ADAM22: variants seen among roughly 807,000 people sequenced by gnomAD.
ADAM22 encodes ADAM metallopeptidase domain 22.
In ADAM22, 65 loss-of-function variants were observed where a neutral mutation model predicts 144.6. The observed-to-expected ratio is 0.45, with a 90% CI of 0.37 to 0.55. The LOEUF (loss-of-function observed/expected upper bound fraction) is 0.55, where lower values mean the gene tolerates loss of function less well. Ranked by LOEUF, ADAM22 falls within the 20% of genes least tolerant of loss-of-function variation. ADAM22 has a pLI of 0.00. For missense variants in ADAM22, 974 were observed against 1,184.9 expected (o/e 0.82, Z 2.61); for synonymous variants, 391 against 412.6 (o/e 0.95, Z 0.63).
chr7:88,034,702 A>G (rs775461115), intron 3 of ADAM22, among the ~76,000 whole-genome samples: 2 of 152,068 alleles, frequency 1.3e-5, no homozygotes, highest in Non-Finnish European at 2.9e-5. Context: ...TGCCAAACTC[A>G]AGTTCTGACC....
At chr7:87,949,505 C>G (rs1844509414) in intron 2 of ADAM22, among the ~76,000 whole-genome samples, 1 of 152,150 alleles carries the variant, frequency 6.6e-6, no homozygotes, top group South Asian at 2.1e-4. Flanking sequence ...CTTTATTCAC[C>G]AGACTTTGTC....
chr7:88,194,373 G>T (rs1270493307), intron 31 of ADAM22, among the ~76,000 whole-genome samples: 2 of 152,180 alleles, frequency 1.3e-5, no homozygotes, highest in Non-Finnish European at 2.9e-5. Flanking sequence ...GGCTCTGGCT[G>T]CTGGGATTGT....
intron 2 of ADAM22, 117 bp downstream of exon 2, chr7:87,935,303 C>G (rs939676627): frequency 9.2e-6 from 11 of 1,192,174 alleles, no homozygotes; most frequent in Middle Eastern, 2.9e-4. Flanking sequence ...GAGTTGGGTC[C>G]CGATGCGAGT....
intron 4 of ADAM22, among the ~76,000 whole-genome samples, chr7:88,105,240 T>A (rs1824045332): frequency 6.6e-6 from 1 of 152,192 alleles, no homozygotes; most frequent in South Asian, 2.1e-4. Flanking sequence ...TTTATTTATC[T>A]TTGTTTCTAC....
intron 29 of ADAM22, among the ~76,000 whole-genome samples, chr7:88,182,639 T>C (rs569445276): frequency 1.3e-5 from 2 of 152,336 alleles, no homozygotes; most frequent in Non-Finnish European, 2.9e-5. Context: ...GCATTTACTT[T>C]TTTTTTAAGG....
chr7:87,952,399 T>C (rs1845466599), intron 2 of ADAM22, among the ~76,000 whole-genome samples: 2 of 152,206 alleles, frequency 1.3e-5, no homozygotes, highest in Admixed American at 6.5e-5. Flanking sequence ...ATTGAGATAA[T>C]CATATGGTTT....
At chr7:87,942,837 A>G (rs1316740620) in intron 2 of ADAM22, among the ~76,000 whole-genome samples, 1 of 152,162 alleles carries the variant, frequency 6.6e-6, no homozygotes, top group Non-Finnish European at 1.5e-5. Flanking sequence ...TCAAAGTTTC[A>G]TAGGTAGAAA....
intron 5 of ADAM22, among the ~76,000 whole-genome samples, chr7:88,109,555 T>A (rs1229514479): frequency 1.3e-5 from 2 of 152,100 alleles, no homozygotes; most frequent in Non-Finnish European, 2.9e-5. Flanking sequence ...CTTAGAGATG[T>A]GGCTTTTCAT....
chr7:87,938,174 A>G (rs1485803552), intron 2 of ADAM22, among the ~76,000 whole-genome samples: 1 of 142,882 alleles, frequency 7.0e-6, no homozygotes, highest in East Asian at 2.0e-4. Flanking sequence ...AAATAGTTCT[A>G]ATTTATGGCA....
At chr7:87,985,902 T>C (rs1788360657) in intron 3 of ADAM22, among the ~76,000 whole-genome samples, 1 of 152,172 alleles carries the variant, frequency 6.6e-6, no homozygotes, top group Non-Finnish European at 1.5e-5. Context: ...AGTAGGCTTT[T>C]GATTTTTTTA....
intron 14 of ADAM22, among the ~76,000 whole-genome samples, chr7:88,140,513 G>A (rs576674039): frequency 6.6e-6 from 1 of 152,206 alleles, no homozygotes; most frequent in Non-Finnish European, 1.5e-5. Flanking sequence ...TTTGTTACTT[G>A]AAAAAAACCT....
Position 88,145,422 on chromosome 7 carries a change from T to A in ADAM22, c.1400T>A (p.Val467Asp). ...AATGTTTATATTCCTTAGGAATGTGTCCTTGAAGGAGCAGAGTGTTGTAAG... is the reference window on the plus strand; with the variant it reads ...AATGTTTATATTCCTTAGGAATGTGACCTTGAAGGAGCAGAGTGTTGTAAG... ...ECDCGTPAECVLEGAECCKKC... is the reference protein window; with the variant it reads ...ECDCGTPAECDLEGAECCKKC... The change falls in exon 17 of 32, where the codon GTC becomes GAC. Residue 467 changes from valine to aspartate, a missense_variant. Around this residue, in one of 2 missense-constraint regions of ADAM22, gnomAD observed 734 missense variants for 950.6 expected, o/e 0.77. Transcript: ENST00000413139. 1 of 1,612,840 alleles carries A rather than the reference T, an allele frequency of 6.2e-7. No individual in the cohort carries two copies. The highest frequency in any genetic ancestry group is 8.5e-7 in the Non-Finnish European group (1 of 1,178,908).
chr7:88,052,302 C>T (rs1177901438), intron 3 of ADAM22, among the ~76,000 whole-genome samples: 1 of 150,572 alleles, frequency 6.6e-6, no homozygotes, highest in Non-Finnish European at 1.5e-5. Flanking sequence ...TCGAGACCAT[C>T]CTGGCTAACA....
intron 3 of ADAM22, among the ~76,000 whole-genome samples, chr7:88,006,819 G>A (rs1177181536): frequency 1.3e-5 from 2 of 151,054 alleles, no homozygotes; most frequent in African/African-American, 2.4e-5. Flanking sequence ...AAAACTGGAA[G>A]TATTCCCTTT....
At chr7:88,131,786 G>T (rs1586018910) in intron 11 of ADAM22, 2 of 250,086 alleles carry the variant, frequency 8.0e-6, no homozygotes, top group Non-Finnish European at 1.5e-5. Flanking sequence ...CTCTGTTTTT[G>T]GTTCTAAGAT....
chr7:87,969,946 T>C (rs1379900470), intron 2 of ADAM22, among the ~76,000 whole-genome samples: 1 of 152,196 alleles, frequency 6.6e-6, no homozygotes, highest in Non-Finnish European at 1.5e-5. Context: ...GTCATAAGTA[T>C]AGAAATACAG....
chr7:88,110,674 C>T lies in ADAM22; in HGVS notation c.473+2416C>T, dbSNP rs13235274. On this transcript the variant is annotated intron_variant, in intron 5 of 31. Transcript: ENST00000413139. Reference sequence around the variant, plus strand: ...TCTTTTCTTTTTTTTCTTTTCTCTTCTCTTTTCTTTTTCTTTTCTTTTGTT... The same window carrying T: ...TCTTTTCTTTTTTTTCTTTTCTCTTTTCTTTTCTTTTTCTTTTCTTTTGTT... 2.8e-3 allele frequency among the ~76,000 whole-genome samples: 423 copies of T among 148,620 alleles called. 1 individual carries two copies. The highest frequency in any genetic ancestry group is 0.014 in the Middle Eastern group (4 of 292).
rs2129542131 is a variant in ADAM22 at position 88,199,476 on chromosome 7, CCTT to C, written c.*2986_*2988del. Reference sequence around the variant, plus strand: ...AGGAAGGCATGGGATAGAAGAGAGTCCTTATGGAGTGGACTGGCCACATGAACT... The same window carrying C: ...AGGAAGGCATGGGATAGAAGAGAGTCATGGAGTGGACTGGCCACATGAACT... On this transcript the variant is annotated 3_prime_UTR_variant, in exon 32 of 32. Transcript: ENST00000413139. 1 of 152,300 alleles carries C rather than the reference CCTT, an allele frequency of 6.6e-6. No homozygotes were observed. Among genetic ancestry groups the C allele is most frequent in the Non-Finnish European group, 1.5e-5 (1 of 68,052 alleles). 9.4% of individuals were successfully genotyped at this position (152,300 alleles called of 1,614,324 possible). A position where few individuals can be genotyped will look rare whatever the true frequency, so the allele number is the denominator to read the frequency against.
At chr7:88,154,845 A>ATGTT (rs1256599691) in intron 21 of ADAM22, among the ~76,000 whole-genome samples, 11 of 152,172 alleles carry the variant, frequency 7.2e-5, no homozygotes, top group Non-Finnish European at 1.5e-4. Flanking sequence ...GGTGAAAAAT[A>ATGTT]CAGGTTCTAA....
Sources: allele counts gnomAD v4.1 joint callset (sites outside exome capture counted in the v4.1 genomes callset), GRCh38; gene constraint gnomAD v4.1.1; regional missense constraint gnomAD v4.1.1; transcripts MANE v1.5; gene names NCBI Gene and HGNC (gene_info 2026-07-23, HGNC 2026-07-21).